MYO1G: variants seen among roughly 807,000 people sequenced by gnomAD.
The protein encoded by MYO1G is myosin IG.
Under a neutral mutation model 115.3 loss-of-function variants are expected in MYO1G, and 65 were observed. The ratio of observed to expected loss-of-function variants is 0.56; its 90% CI spans 0.46 to 0.69. MYO1G has a LOEUF of 0.69. Ranked by LOEUF, MYO1G falls within the 30% of genes least tolerant of loss-of-function variation. The pLI, the probability that MYO1G is intolerant of heterozygous loss-of-function variation, is 0.00. For synonymous variants in MYO1G, 510 were observed against 552.6 expected, an observed-to-expected ratio of 0.92 and a Z score of 1.08; for missense variants, 1,204 against 1,393.5, an observed-to-expected ratio of 0.86 and a Z score of 2.16.
chr7:44,969,551 C>G lies in MYO1G; in HGVS notation c.1504-68G>C. The G allele has an allele frequency of 6.3e-7, 1 of 1,583,460 alleles. No individual in the cohort carries two copies. The highest frequency in any genetic ancestry group is 8.7e-7 in the Non-Finnish European group (1 of 1,153,230). On this transcript the variant is annotated intron_variant, in intron 11 of 21. Coordinates refer to ENST00000258787, the MANE Select transcript of MYO1G (RefSeq NM_033054.3). This position sits in a 1 kb window ranked among gnomAD's most constrained non-coding sequence, Gnocchi z 5.0. ...GGGTCTGTATGAAGGGATAGCCCTGCCTCCCCACCTCCAGGGCAGAGAAGG... is the reference window on the plus strand; with the variant it reads ...GGGTCTGTATGAAGGGATAGCCCTGGCTCCCCACCTCCAGGGCAGAGAAGG...
rs749646679 is a variant in MYO1G, at chr7:44,963,052, C to T, written c.2818G>A (p.Val940Met). 4.5e-5 allele frequency: 69 copies of T among 1,525,152 alleles called. No individual in the cohort carries two copies. Among genetic ancestry groups the T allele is most frequent in the South Asian group, 9.6e-5 (8 of 83,108 alleles). The allele number at this position is 1,525,152 out of a possible 1,614,324, so 94.5% of individuals were successfully genotyped here. Reference sequence around the variant, plus strand: ...GGCCGGGAGCGGTGCAGGCACACCACGAGGTCGTCCTGGCCGCGGGCGTGC... The same window carrying T: ...GGCCGGGAGCGGTGCAGGCACACCATGAGGTCGTCCTGGCCGCGGGCGTGC... ...VLHARGQDDL[V>M]VCLHRSRPPL... is the part of the protein sequence containing the mutation. Residue 940 changes from valine (V) to methionine (M), a missense_variant, in exon 21 of 22, where the codon GTG becomes ATG. Val to Met is a conservative substitution (Grantham distance 21). Transcript: ENST00000258787. This position sits in a 1 kb window ranked among gnomAD's most constrained non-coding sequence, Gnocchi z 4.1.
chr7:44,977,114 G>A, intron 1 of MYO1G, 43 bp from the exon 2 acceptor site: 1 of 1,583,630 alleles, frequency 6.3e-7, no homozygotes, highest in African/African-American at 1.3e-5. Context: ...CAGGCTTACA[G>A]GCACCCACAG....
At position 44,962,835 on chromosome 7, in the gene MYO1G, G is replaced by A; in HGVS notation, c.2961C>T (p.Val987=). The part of the protein sequence containing the change: ...SDCIPLSHRG[V]RRLISVEPRP... ...TGGGCTCCACGGAGATGAGGCGCCGGACCCCGCGATGGCTTAGTGGGATGC... is the reference window on the plus strand; with the variant it reads ...TGGGCTCCACGGAGATGAGGCGCCGAACCCCGCGATGGCTTAGTGGGATGC... Residue 987 remains valine, a synonymous_variant, in exon 22 of 22, where the codon GTC becomes GTT. Coordinates refer to ENST00000258787, the MANE Select transcript of MYO1G (RefSeq NM_033054.3). The surrounding 1 kb of genome is among the most constrained non-coding windows in gnomAD (Gnocchi z 5.3). The A allele has an allele frequency of 6.6e-7, 1 of 1,515,758 alleles. No individual in the cohort carries two copies. Among genetic ancestry groups the A allele is most frequent in the East Asian group, 2.6e-5 (1 of 38,130 alleles). The allele number at this position is 1,515,758 out of a possible 1,614,324, so 93.9% of individuals were successfully genotyped here. A position where few individuals can be genotyped will look rare whatever the true frequency, so the allele number is the denominator to read the frequency against.
At position 44,963,085 on chromosome 7, in the gene MYO1G, C is replaced by T. The variant is rs977371992; in HGVS notation, c.2785G>A (p.Val929Met). ...LSVTSGGDQL[V>M]VLHARGQDDL... Reference sequence around the variant, plus strand: ...TCCTGGCCGCGGGCGTGCAGCACCACCAGCTGGTCTCCTCCGCTGGTCACG... The same window carrying T: ...TCCTGGCCGCGGGCGTGCAGCACCATCAGCTGGTCTCCTCCGCTGGTCACG... Residue 929 changes from valine (V) to methionine (M), a missense_variant, in exon 21 of 22, where the codon GTG becomes ATG. Coordinates refer to ENST00000258787, the MANE Select transcript of MYO1G (RefSeq NM_033054.3). This position sits in a 1 kb window ranked among gnomAD's most constrained non-coding sequence, Gnocchi z 4.1. 1.3e-6 allele frequency: 2 copies of T among 1,520,274 alleles called. No individual in the cohort carries two copies. Among genetic ancestry groups the T allele is most frequent in the South Asian group, 2.4e-5 (2 of 82,556 alleles). 94.2% of individuals were successfully genotyped at this position (1,520,274 alleles called of 1,614,324 possible).
Position 44,963,165 on chromosome 7 carries a change from G to T in MYO1G, c.2746-41C>A, listed in dbSNP as rs576579096. 7.9e-6 allele frequency: 11 copies of T among 1,395,020 alleles called. No individual in the cohort carries two copies. The highest frequency in any genetic ancestry group is 5.6e-6 in the Non-Finnish European group (6 of 1,078,820). 86.4% of individuals were successfully genotyped at this position (1,395,020 alleles called of 1,614,324 possible). A position where few individuals can be genotyped will look rare whatever the true frequency, so the allele number is the denominator to read the frequency against. Reference sequence around the variant, plus strand: ...GGTCAGAGTGCAGCCGCCTCAACCCGCACCCCAGCCTAGCCGGACTCACCC... The same window carrying T: ...GGTCAGAGTGCAGCCGCCTCAACCCTCACCCCAGCCTAGCCGGACTCACCC... On this transcript the variant is annotated intron_variant, in intron 20 of 21. Coordinates refer to ENST00000258787, the MANE Select transcript of MYO1G (RefSeq NM_033054.3). The surrounding 1 kb of genome is among the most constrained non-coding windows in gnomAD (Gnocchi z 4.1).
In MYO1G at chr7:44,966,183, C is replaced by T. The variant is rs140643676; in HGVS notation, c.2047G>A (p.Asp683Asn). The T allele has an allele frequency of 1.2e-6, 2 of 1,612,624 alleles. No individual in the cohort carries two copies. Among genetic ancestry groups the T allele is most frequent in the African/African-American group, 2.7e-5 (2 of 74,904 alleles). ...ALLEQHGLQG[D>N]VAFGHSKLFI... ...AGCTTGCTGTGGCCAAAGGCCACGT[C>T]CCCCTGCAGCCCGTGCTGCTCCAGG... Residue 683 changes from aspartate (D) to asparagine (N), a missense_variant, in exon 16 of 22, where the codon GAC becomes AAC. Asp to Asn is a conservative substitution (Grantham distance 23). Coordinates refer to ENST00000258787, the MANE Select transcript of MYO1G (RefSeq NM_033054.3). This position sits in a 1 kb window ranked among gnomAD's most constrained non-coding sequence, Gnocchi z 5.0.
chr7:44,966,661 G>T lies in MYO1G; in HGVS notation c.1949+11C>A. On this transcript the variant is annotated intron_variant, in intron 15 of 21. Coordinates refer to ENST00000258787, the MANE Select transcript of MYO1G (RefSeq NM_033054.3). The surrounding 1 kb of genome is among the most constrained non-coding windows in gnomAD (Gnocchi z 5.0). Reference sequence around the variant, plus strand: ...ATGGCCCATGGAGTGATGGGTGTCAGGTGCCAGTACCTGAGCAGGAATCGA... The same window carrying T: ...ATGGCCCATGGAGTGATGGGTGTCATGTGCCAGTACCTGAGCAGGAATCGA... 1 of 1,612,994 alleles carries T rather than the reference G, an allele frequency of 6.2e-7. No homozygotes were observed. The highest frequency in any genetic ancestry group is 1.1e-5 in the South Asian group (1 of 91,032).
chr7:44,965,901 A>G (rs1464422447), intron 16 of MYO1G, 41 bp from the exon 17 acceptor site: 3 of 1,586,530 alleles, frequency 1.9e-6, no homozygotes, highest in Non-Finnish European at 1.7e-6. Context: ...GTCAAATTCA[A>G]TCAGGCCCTA....
chr7:44,972,950 T>C (rs1282236980), intron 5 of MYO1G: 1 of 152,188 alleles, frequency 6.6e-6, no homozygotes, highest in African/African-American at 2.4e-5. Context: ...TTAGAGTCTG[T>C]GGAGACCCTG....
Position 44,964,752 on chromosome 7 carries a change from C to T in MYO1G, c.2526+193G>A, listed in dbSNP as rs911277458. On this transcript the variant is annotated intron_variant, in intron 18 of 21. Coordinates refer to ENST00000258787, the MANE Select transcript of MYO1G (RefSeq NM_033054.3). The surrounding 1 kb of genome is among the most constrained non-coding windows in gnomAD (Gnocchi z 5.1). Reference sequence around the variant, plus strand: ...CCCTCCTGTCATCCACACCCACCCCCGAAGGCCACTGCTCCTGAAGCCCAG... The same window carrying T: ...CCCTCCTGTCATCCACACCCACCCCTGAAGGCCACTGCTCCTGAAGCCCAG... 6.6e-6 allele frequency among the ~76,000 whole-genome samples: 1 copy of T among 152,178 alleles called. No homozygotes were observed. Among genetic ancestry groups the T allele is most frequent in the Non-Finnish European group, 1.5e-5 (1 of 68,022 alleles).
chr7:44,971,595 C>T (rs1794958632), intron 7 of MYO1G, 78 bp downstream of exon 7: 2 of 1,067,058 alleles, frequency 1.9e-6, no homozygotes, highest in South Asian at 2.9e-5. Context: ...AGCCAGTCTC[C>T]TCCTCATCCC....
chr7:44,973,985 C>T (rs995187362), intron 5 of MYO1G: 1 of 151,624 alleles, frequency 6.6e-6, no homozygotes, highest in Non-Finnish European at 1.5e-5. Context: ...TCTCAGGGAG[C>T]TTTTACCTCA....
intron 2 of MYO1G, 102 bp downstream of exon 2, chr7:44,976,761 G>T: frequency 6.4e-7 from 1 of 1,569,474 alleles, no homozygotes. Flanking sequence ...GGGTCCTAGG[G>T]CCCCCATCAG....
chr7:44,967,477 C>T (rs2128701546), intron 14 of MYO1G, 128 bp downstream of exon 14: 3 of 1,271,744 alleles, frequency 2.4e-6, no homozygotes, highest in Middle Eastern at 1.9e-4. Context: ...AGATGTGGCT[C>T]ATACAGACAG....
In MYO1G at chr7:44,963,147, GT is replaced by G. The variant is rs1230546796; in HGVS notation, c.2746-24del. The G allele has an allele frequency of 1.2e-5, 17 of 1,416,620 alleles. No individual in the cohort carries two copies. The allele number at this position is 1,416,620 out of a possible 1,614,324, so 87.8% of individuals were successfully genotyped here. ...CACCTGAGCGGAGCGCGGGGTCAGA[GT>G]GCAGCCGCCTCAACCCGCACCCCAG... On this transcript the variant is annotated intron_variant, in intron 20 of 21. Transcript: ENST00000258787. This position sits in a 1 kb window ranked among gnomAD's most constrained non-coding sequence, Gnocchi z 4.1.
chr7:44,964,501 C>T lies in MYO1G; in HGVS notation c.2545G>A (p.Ala849Thr). 6.2e-7 allele frequency: 1 copy of T among 1,613,866 alleles called. No individual in the cohort carries two copies. The highest frequency in any genetic ancestry group is 8.5e-7 in the Non-Finnish European group (1 of 1,179,868). Residue 849 changes from alanine (A) to threonine (T), a missense_variant, in exon 19 of 22, where the codon GCA becomes ACA. Transcript: ENST00000258787. The surrounding 1 kb of genome is among the most constrained non-coding windows in gnomAD (Gnocchi z 5.1). ...AGTCGCTGAGCAAACAGGCTTGATG[C>T]TGTGGGATTGTCAGTGGCCTGAGGA... The part of the protein sequence containing the change: ...YLSSATDNPT[A>T]SSLFAQRLKT...
rs1794951602 is a variant in MYO1G at position 44,971,157 on chromosome 7, T to G, written c.847-98A>C. 3.8e-6 allele frequency: 4 copies of G among 1,046,034 alleles called. No homozygotes were observed. In the Admixed American group the frequency reaches 8.7e-5, roughly 23 times the overall value. The allele number at this position is 1,046,034 out of a possible 1,614,324, so 64.8% of individuals were successfully genotyped here. On this transcript the variant is annotated intron_variant, in intron 7 of 21. Transcript: ENST00000258787. ...GAGGAAGGAAAGCAGGGGACATGGATGCGGTAGAGTACAGCTCCTTCTCAG... is the reference window on the plus strand; with the variant it reads ...GAGGAAGGAAAGCAGGGGACATGGAGGCGGTAGAGTACAGCTCCTTCTCAG...
At chr7:44,978,017 A>G (rs2128703359) in intron 1 of MYO1G, among the ~76,000 whole-genome samples, 2 of 152,306 alleles carry the variant, frequency 1.3e-5, no homozygotes, top group Non-Finnish European at 2.9e-5. Flanking sequence ...AGAATGAGGT[A>G]GAACAATGTG....
In MYO1G at chr7:44,976,475, G is replaced by A. The variant is rs1054243504; in HGVS notation, c.398+89C>T. On this transcript the variant is annotated intron_variant, in intron 3 of 21. Transcript: ENST00000258787. ...TGACCTGAGCTAGACTCCAGTTGCC[G>A]TCTCTCACTCCCCAGAGCCAGCCCT... The A allele has an allele frequency of 4.2e-5, 54 of 1,272,718 alleles. No homozygotes were observed. In the Admixed American group the frequency reaches 6.8e-4, roughly 16 times the overall value. The allele number at this position is 1,272,718 out of a possible 1,614,324, so 78.8% of individuals were successfully genotyped here.
Sources: gnomAD v4.1 joint callset for allele counts (sites outside exome capture counted in the v4.1 genomes callset) on GRCh38, gnomAD v4.1.1 for gene constraint, Gnocchi (gnomAD v3.1) non-coding constraint, MANE v1.5 for transcripts, NCBI Gene and HGNC (gene_info 2026-07-23, HGNC 2026-07-21) for gene names.